KANK1: variants seen among roughly 807,000 people sequenced by gnomAD.
KANK1 encodes the protein KN motif and ankyrin repeat domains 1, also known as KN motif and ankyrin repeat domain-containing protein 1.
Under a neutral mutation model 106.2 loss-of-function variants are expected in KANK1, and 109 were observed. The observed-to-expected ratio is 1.03, with a 90% CI of 0.88 to 1.20. The LOEUF (loss-of-function observed/expected upper bound fraction) is 1.20. Ranked by LOEUF, KANK1 falls within the 50% of genes most tolerant of loss-of-function variation. KANK1 has a pLI of 0.00. For missense variants in KANK1, 2,399 were observed against 1,710.7 expected, an observed-to-expected ratio of 1.40 and a Z score of -7.10; for synonymous variants, 873 against 652.2, an observed-to-expected ratio of 1.34 and a Z score of -5.16.
intron 1 of KANK1, among the ~76,000 whole-genome samples, chr9:615,982 CTCT>C (rs1427263352): frequency 6.6e-6 from 1 of 152,168 alleles, no homozygotes; most frequent in Non-Finnish European, 1.5e-5. Context: ...CCAGACAAGC[CTCT>C]TGAGGCATGA....
At chr9:555,604 A>T (rs1177298264) in intron 1 of KANK1, among the ~76,000 whole-genome samples, 1 of 152,212 alleles carries the variant, frequency 6.6e-6, no homozygotes, top group East Asian at 1.9e-4. Context: ...AGTGACTGAG[A>T]ATTAGCTGAA....
Position 744,499 on chromosome 9 carries a change from C to T in KANK1, c.3906C>T (p.Ser1302=), listed in dbSNP as rs376630332. Reference sequence around the variant, plus strand: ...TTCCATCTTATCTTAAGGATGGCAGCACTGCGCTCTCAATCGCCCTGGAAG... The same window carrying T: ...TTCCATCTTATCTTAAGGATGGCAGTACTGCGCTCTCAATCGCCCTGGAAG... ...CNGHLEDNDG[S]TALSIALEAG... is the part of the protein sequence containing the mutation. The change falls in exon 11 of 12, where the codon AGC becomes AGT. Residue 1302 remains serine (S), a synonymous_variant. Transcript: ENST00000382297. 50 of 1,613,764 alleles carry T rather than the reference C, an allele frequency of 3.1e-5. No homozygotes were observed. The highest frequency in any genetic ancestry group is 3.6e-5 in the Non-Finnish European group (43 of 1,179,826).
At chr9:544,067 C>T (rs1007414653) in intron 1 of KANK1, among the ~76,000 whole-genome samples, 1 of 152,142 alleles carries the variant, frequency 6.6e-6, no homozygotes, top group East Asian at 1.9e-4. Flanking sequence ...GTTGCCCAGG[C>T]TGGAGTGCAG....
chr9:653,454 G>A (rs150444936), intron 1 of KANK1, among the ~76,000 whole-genome samples: 100 of 152,134 alleles, frequency 6.6e-4, no homozygotes, highest in African/African-American at 2.3e-3. Context: ...TAAATTAATA[G>A]GACTTTTGTT....
intron 9 of KANK1, among the ~76,000 whole-genome samples, chr9:741,149 T>A (rs146782901): frequency 2.0e-3 from 311 of 152,280 alleles, no homozygotes; most frequent in African/African-American, 6.9e-3. Flanking sequence ...AACTTCTCCC[T>A]CCTTTGCCTT....
At chr9:490,648 A>G (rs995937599) in intron 3 of KANK1, among the ~76,000 whole-genome samples, 1 of 152,250 alleles carries the variant, frequency 6.6e-6, no homozygotes, top group African/African-American at 2.4e-5. Flanking sequence ...AGATGGCTGG[A>G]AAATAAATTG....
intron 1 of KANK1, among the ~76,000 whole-genome samples, chr9:528,550 C>T (rs563947612): frequency 1.0e-3 from 134 of 133,096 alleles, no homozygotes; most frequent in Non-Finnish European, 1.8e-3. Flanking sequence ...GGCTTGATCT[C>T]GGCTCACTGC....
chr9:640,787 G>A (rs1302868773), intron 1 of KANK1, among the ~76,000 whole-genome samples: 1 of 150,164 alleles, frequency 6.7e-6, no homozygotes, highest in Non-Finnish European at 1.5e-5. Context: ...AGCTCTGCCT[G>A]CCGGGTCCAC....
chr9:740,954 G>A lies in KANK1; in HGVS notation c.3696+20G>A, dbSNP rs142979751. ...AGTCAGGTTAGTGCGCCTGGTTCCT[G>A]TGCTCAGGAATGCACCCGTAACCAG... On this transcript the variant is annotated intron_variant, in intron 9 of 11. Coordinates refer to ENST00000382297, the MANE Select transcript of KANK1 (RefSeq NM_015158.5). 3.7e-6 allele frequency: 6 copies of A among 1,613,528 alleles called. No homozygotes were observed. The highest frequency in any genetic ancestry group is 5.1e-6 in the Non-Finnish European group (6 of 1,179,724).
chr9:623,840 A>G (rs1432439941), intron 1 of KANK1, among the ~76,000 whole-genome samples: 1 of 152,066 alleles, frequency 6.6e-6, no homozygotes, highest in Non-Finnish European at 1.5e-5. Flanking sequence ...GAAGTTTTGT[A>G]AAAATCAACT....
At chr9:607,339 A>C (rs748885027) in intron 1 of KANK1, among the ~76,000 whole-genome samples, 5 of 151,642 alleles carry the variant, frequency 3.3e-5, no homozygotes, top group Non-Finnish European at 7.4e-5. Context: ...TACAAAAATT[A>C]GCTGGTGTGG....
At chr9:533,732 GAGAC>G (rs2060168707) in intron 1 of KANK1, among the ~76,000 whole-genome samples, 1 of 152,204 alleles carries the variant, frequency 6.6e-6, no homozygotes, top group South Asian at 2.1e-4. Flanking sequence ...CTGATAGAGT[GAGAC>G]AGATGCAAAG....
intron 8 of KANK1, among the ~76,000 whole-genome samples, chr9:738,750 G>T (rs1051772535): frequency 7.2e-5 from 11 of 152,218 alleles, no homozygotes; most frequent in African/African-American, 2.7e-4. Flanking sequence ...TCTTGCTGCA[G>T]TTCAGCTGCA....
intron 1 of KANK1, chr9:674,528 C>T (rs373404189): frequency 2.0e-4 from 30 of 152,266 alleles, no homozygotes; most frequent in African/African-American, 7.2e-4. Flanking sequence ...AATTCTCACC[C>T]TGTGTGATCA....
At chr9:730,909 G>GT (rs1832063083) in intron 4 of KANK1, 1 of 295,792 alleles carries the variant, frequency 3.4e-6, no homozygotes, top group African/African-American at 2.2e-5. Flanking sequence ...ACAAATGTCA[G>GT]TTTTCACTGG....
In KANK1 at chr9:745,288, C is replaced by G; in HGVS notation, c.*53C>G. The G allele has an allele frequency of 1.9e-6, 3 of 1,605,940 alleles. No individual in the cohort carries two copies. The highest frequency in any genetic ancestry group is 2.2e-5 in the South Asian group (2 of 90,768). ...TGCCACTATTAAGCTGCTAATTGTT[C>G]CTGTTGGGGTGACAGATACTGAATG... On this transcript the variant is annotated 3_prime_UTR_variant, in exon 12 of 12. Transcript: ENST00000382297.
In KANK1 at chr9:724,633, C is replaced by T. The variant is rs547611371; in HGVS notation, c.2699-5418C>T. On this transcript the variant is annotated intron_variant, in intron 3 of 11. Transcript: ENST00000382297. The stretch of plus-strand genomic sequence containing the variant: ...CCTAGCCAACATAGTAAAATCCCGT[C>T]TCTACTAAAAATACAAAAAACAGCT... Among the ~76,000 whole-genome samples, 13 of 152,198 alleles carry T rather than the reference C, an allele frequency of 8.5e-5. 1 individual carries two copies. In the South Asian group the frequency reaches 2.7e-3, roughly 32 times the overall value.
intron 1 of KANK1, among the ~76,000 whole-genome samples, chr9:635,268 C>T (rs1278152276): frequency 6.6e-6 from 1 of 152,080 alleles, no homozygotes; most frequent in Non-Finnish European, 1.5e-5. Flanking sequence ...AGGTACCCAG[C>T]CCCCCAGGCC....
At chr9:594,741 G>T (rs1825806582) in intron 1 of KANK1, among the ~76,000 whole-genome samples, 1 of 151,786 alleles carries the variant, frequency 6.6e-6, no homozygotes, top group African/African-American at 2.4e-5. Context: ...GTTGTTTCTA[G>T]AATTTAAAAA....
Sources: allele counts gnomAD v4.1 joint callset (sites outside exome capture counted in the v4.1 genomes callset), GRCh38; gene constraint gnomAD v4.1.1; transcripts MANE v1.5; gene names NCBI Gene and HGNC (gene_info 2026-07-23, HGNC 2026-07-21).